The following ADAMTS17 variants were observed in gnomAD, a reference collection of about 807,000 sequenced individuals.
The protein encoded by ADAMTS17 is ADAM metallopeptidase with thrombospondin type 1 motif 17, also known as A disintegrin and metalloproteinase with thrombospondin motifs 17.
A neutral mutation model predicts 141.5 loss-of-function variants in ADAMTS17; 113 were observed. The ratio of observed to expected loss-of-function variants is 0.80; its 90% CI spans 0.69 to 0.93. The LOEUF is 0.93. Among genes scored for constraint, ADAMTS17 ranks in the 40% least tolerant of loss-of-function variants. The pLI, the probability that ADAMTS17 is intolerant of heterozygous loss-of-function variation, is 0.00. For synonymous variants in ADAMTS17, 768 were observed against 630.6 expected, an observed-to-expected ratio of 1.22 and a Z score of -3.27; for missense variants, 1,659 against 1,517.9, an observed-to-expected ratio of 1.09 and a Z score of -1.54.
At chr15:100,155,344 GA>G (rs1596126679) in intron 8 of ADAMTS17, 24 bp from the exon 9 acceptor site, 1 of 1,608,732 alleles carries the variant, frequency 6.2e-7, no homozygotes, top group Non-Finnish European at 8.5e-7. Context: ...AGGAGAGAGG[GA>G]TGCTTATGCT....
chr15:100,068,490 G>T (rs1201327125), intron 15 of ADAMTS17, among the ~76,000 whole-genome samples: 1 of 152,202 alleles, frequency 6.6e-6, no homozygotes, highest in African/African-American at 2.4e-5. Flanking sequence ...AGCCTAATTG[G>T]GAGGCACCCC....
At chr15:100,265,510 T>C (rs1382466276) in intron 4 of ADAMTS17, among the ~76,000 whole-genome samples, 1 of 152,188 alleles carries the variant, frequency 6.6e-6, no homozygotes, top group Non-Finnish European at 1.5e-5. Context: ...CCTAGGGGCC[T>C]AGCAGGGTGG....
rs576175800 is a variant in ADAMTS17 at position 100,263,843 on chromosome 15, T to G, written c.790-1408A>C. Among the ~76,000 whole-genome samples the G allele has an allele frequency of 2.6e-5, 4 of 152,352 alleles. No homozygotes were observed. The South Asian group carries it at 8.3e-4, about 32-fold the overall frequency. On this transcript the variant is annotated intron_variant, in intron 4 of 21. Transcript: ENST00000268070. ...AAACTTTCTCCAGCAGGTGCTGTGT[T>G]CACGCTATCAATACATCAGCATCAG...
At chr15:100,069,637 C>T (rs2033823793) in intron 15 of ADAMTS17, among the ~76,000 whole-genome samples, 1 of 152,058 alleles carries the variant, frequency 6.6e-6, no homozygotes, top group African/African-American at 2.4e-5. Context: ...CATATCCAGC[C>T]AAACTAAGCT....
At chr15:100,088,134 C>T (rs998871662) in intron 15 of ADAMTS17, among the ~76,000 whole-genome samples, 4 of 152,128 alleles carry the variant, frequency 2.6e-5, no homozygotes, top group Non-Finnish European at 2.9e-5. Context: ...AGGCAACTTC[C>T]GCAAAGTCTC....
At chr15:99,987,679 G>A (rs1050312697) in intron 20 of ADAMTS17, among the ~76,000 whole-genome samples, 4 of 152,212 alleles carry the variant, frequency 2.6e-5, no homozygotes, top group African/African-American at 4.8e-5. Flanking sequence ...TCTAATTAGA[G>A]AGGTCTGGTC....
intron 18 of ADAMTS17, among the ~76,000 whole-genome samples, chr15:100,003,955 A>G (rs1299656821): frequency 6.6e-6 from 1 of 152,254 alleles, no homozygotes; most frequent in Non-Finnish European, 1.5e-5. Flanking sequence ...TGATGGCTGC[A>G]CAAGGTGAAT....
At chr15:100,117,433 G>A (rs1014311253) in intron 12 of ADAMTS17, among the ~76,000 whole-genome samples, 2 of 152,238 alleles carry the variant, frequency 1.3e-5, no homozygotes, top group Admixed American at 6.5e-5. Flanking sequence ...TACTCTGGAG[G>A]TTAAGTTTCA....
intron 7 of ADAMTS17, among the ~76,000 whole-genome samples, chr15:100,234,447 C>T (rs952604297): frequency 3.3e-5 from 5 of 152,186 alleles, no homozygotes; most frequent in African/African-American, 1.2e-4. Flanking sequence ...GGAGCAGAGC[C>T]AGCTGCCTCT....
At chr15:100,260,938 T>C (rs1344966056) in intron 6 of ADAMTS17, among the ~76,000 whole-genome samples, 1 of 152,216 alleles carries the variant, frequency 6.6e-6, no homozygotes, top group African/African-American at 2.4e-5. Flanking sequence ...ACACATTTTG[T>C]TTAAGTTATT....
chr15:100,004,224 T>C (rs12914189), intron 18 of ADAMTS17, among the ~76,000 whole-genome samples: 1 of 152,246 alleles, frequency 6.6e-6, no homozygotes, highest in African/African-American at 2.4e-5. Flanking sequence ...GGACTTTGTG[T>C]ACAAGCACTC....
intron 15 of ADAMTS17, among the ~76,000 whole-genome samples, chr15:100,085,826 T>C (rs185216719): frequency 0.013 from 1,987 of 152,026 alleles, 45 homozygotes; most frequent in African/African-American, 0.043. Context: ...AGGCCTGCCC[T>C]ACAAGAGCTC....
chr15:100,116,146 A>AAAC (rs1567200923), intron 13 of ADAMTS17, among the ~76,000 whole-genome samples: 3 of 149,780 alleles, frequency 2.0e-5, no homozygotes, highest in African/African-American at 7.4e-5. Context: ...AAAAAAAAAA[A>AAAC]AAAAAAAAAA....
chr15:100,051,666 A>G lies in ADAMTS17; in HGVS notation c.2361T>C (p.Thr787=), dbSNP rs2141590453. The change falls in exon 17 of 22, where the codon ACT becomes ACC. Residue 787 remains threonine (T), a synonymous_variant. Coordinates refer to ENST00000268070, the MANE Select transcript of ADAMTS17 (RefSeq NM_139057.4). ...TTTCTGGTTCGCTTTGATTTTCCGCAGTGCGGTTTACAGGAACAGTGTATT... is the reference window on the plus strand; with the variant it reads ...TTTCTGGTTCGCTTTGATTTTCCGCGGTGCGGTTTACAGGAACAGTGTATT... ...HYEYTVPVNR[T]AENQSEPEKP... is the part of the protein sequence containing the mutation. The G allele has an allele frequency of 9.3e-6, 15 of 1,614,220 alleles. No homozygotes were observed. The highest frequency in any genetic ancestry group is 1.2e-5 in the Non-Finnish European group (14 of 1,180,036).
At chr15:100,059,364 G>A (rs1415765895) in intron 15 of ADAMTS17, among the ~76,000 whole-genome samples, 1 of 152,038 alleles carries the variant, frequency 6.6e-6, no homozygotes, top group Non-Finnish European at 1.5e-5. Context: ...CCTCGGGACA[G>A]CGTGCTCCTA....
Position 100,236,072 on chromosome 15 carries a change from A to G in ADAMTS17, c.1075+18064T>C, listed in dbSNP as rs114118770. 4.8e-3 allele frequency among the ~76,000 whole-genome samples: 724 copies of G among 152,256 alleles called. 3 individuals are homozygous for G. The highest frequency in any genetic ancestry group is 0.016 in the African/African-American group (662 of 41,556). The stretch of plus-strand genomic sequence containing the variant: ...CTAATGATCACAGACATCCACAGTC[A>G]CCAGTGACTCAATTACCATCTCTAA... On this transcript the variant is annotated intron_variant, in intron 7 of 21. Coordinates refer to ENST00000268070, the MANE Select transcript of ADAMTS17 (RefSeq NM_139057.4).
At position 100,195,469 on chromosome 15, in the gene ADAMTS17, A is replaced by C. The variant is rs2041075838; in HGVS notation, c.1181+3849T>G. On this transcript the variant is annotated intron_variant, in intron 8 of 21. Transcript: ENST00000268070. ...AAATCTCAGATTCATTTATGTATTA[A>C]TATGTAAATGGAGCCTGTTCCATGT... Among the ~76,000 whole-genome samples, 7 of 152,324 alleles carry C rather than the reference A, an allele frequency of 4.6e-5. No individual in the cohort carries two copies. In the South Asian group the frequency reaches 1.2e-3, roughly 27 times the overall value.
At chr15:100,159,306 T>C (rs972046528) in intron 8 of ADAMTS17, among the ~76,000 whole-genome samples, 5 of 152,266 alleles carry the variant, frequency 3.3e-5, no homozygotes, top group Non-Finnish European at 5.9e-5. Flanking sequence ...AATTCTGCGA[T>C]ATGCAACAAC....
In ADAMTS17 at chr15:100,071,743, T is replaced by C. The variant is rs146764353; in HGVS notation, c.2138-17689A>G. Among the ~76,000 whole-genome samples the C allele has an allele frequency of 2.7e-3, 412 of 150,216 alleles. 25 individuals are homozygous for C. Among genetic ancestry groups the C allele is most frequent in the South Asian group, 0.015 (69 of 4,740 alleles). On this transcript the variant is annotated intron_variant, in intron 15 of 21. Transcript: ENST00000268070. ...CTAAAAACTCTCAATAAATTAGGTA[T>C]TGATAGGTATCTCAAAATAATAAGA...
Sources: gnomAD v4.1 joint callset for allele counts (sites outside exome capture counted in the v4.1 genomes callset) on GRCh38, gnomAD v4.1.1 for gene constraint, MANE v1.5 for transcripts, NCBI Gene and HGNC (gene_info 2026-07-23, HGNC 2026-07-21) for gene names.